The following PRIM2 variants were observed in gnomAD, a reference collection of about 807,000 sequenced individuals.
PRIM2 encodes DNA primase large subunit.
Under a neutral mutation model 67.3 loss-of-function variants are expected in PRIM2, and 39 were observed. The ratio of observed to expected loss-of-function variants is 0.58; its 90% CI spans 0.45 to 0.76. The LOEUF is 0.76. Ranked by LOEUF, PRIM2 falls within the 30% of genes least tolerant of loss-of-function variation. The pLI, the probability that PRIM2 is intolerant of heterozygous loss-of-function variation, is 0.00. For synonymous variants in PRIM2, 143 were observed against 198.7 expected (o/e 0.72, Z 2.36); for missense variants, 398 against 598.7 (o/e 0.66, Z 3.50).
chr6:57,343,376 G>C (rs1768559293), intron 5 of PRIM2, among the ~76,000 whole-genome samples: 1 of 151,952 alleles, frequency 6.6e-6, no homozygotes, highest in Non-Finnish European at 1.5e-5. Context: ...TACCCTCTTG[G>C]GTCTCAAGTT....
intron 7 of PRIM2, among the ~76,000 whole-genome samples, chr6:57,491,262 CAGTT>C (rs1358465265): frequency 6.6e-6 from 1 of 152,190 alleles, no homozygotes; most frequent in Non-Finnish European, 1.5e-5. Context: ...CCTATGTTCT[CAGTT>C]ACTCTGCATA....
chr6:57,224,412 G>T, the PRIM2 span, among the ~76,000 whole-genome samples: 1 of 152,182 alleles, frequency 6.6e-6, no homozygotes, highest in Non-Finnish European at 1.5e-5. Context: ...CAGTTGGGGG[G>T]TGGGAAGTGG....
At chr6:57,365,949 CAA>C (rs5876544) in intron 5 of PRIM2, among the ~76,000 whole-genome samples, 1 of 62,646 alleles carries the variant, frequency 1.6e-5, no homozygotes, top group Non-Finnish European at 3.0e-5. Context: ...GACCATATCT[CAA>C]AAAAAAAAAA....
At chr6:57,481,297 T>C (rs1773622226) in intron 7 of PRIM2, among the ~76,000 whole-genome samples, 1 of 152,108 alleles carries the variant, frequency 6.6e-6, no homozygotes, top group Non-Finnish European at 1.5e-5. Context: ...ACCACTGATG[T>C]GTTTTCCATA....
At chr6:57,586,877 G>T (rs1389426568) in intron 10 of PRIM2, 1 of 152,228 alleles carries the variant, frequency 6.6e-6, no homozygotes, top group Admixed American at 6.5e-5. Context: ...AATCTCAGAT[G>T]AGGAAAAGTC....
At chr6:57,328,920 T>C (rs1767962200) in intron 5 of PRIM2, among the ~76,000 whole-genome samples, 1 of 152,222 alleles carries the variant, frequency 6.6e-6, no homozygotes, top group Non-Finnish European at 1.5e-5. Context: ...GAATATCTTT[T>C]CATATGCTTA....
At chr6:57,477,693 ATTCT>A (rs1773508607) in intron 7 of PRIM2, among the ~76,000 whole-genome samples, 1 of 152,196 alleles carries the variant, frequency 6.6e-6, no homozygotes, top group African/African-American at 2.4e-5. Flanking sequence ...AAGACTATAG[ATTCT>A]TTATTTAAGG....
chr6:57,432,320 A>G lies in PRIM2; in HGVS notation c.693+50152A>G, dbSNP rs559624956. Among the ~76,000 whole-genome samples, 55 of 152,310 alleles carry G rather than the reference A, an allele frequency of 3.6e-4. No homozygotes were observed. The South Asian group carries it at 4.8e-3, about 13-fold the overall frequency. On this transcript the variant is annotated intron_variant, in intron 7 of 13. Coordinates refer to ENST00000615550, the MANE Select transcript of PRIM2 (RefSeq NM_000947.5). ...GAGGAAATTTCAAAACAGGATATGT[A>G]TGTGGAAATACTAAGAATTGTATTC...
At chr6:57,346,097 C>T (rs764233669) in intron 5 of PRIM2, among the ~76,000 whole-genome samples, 213 of 152,228 alleles carry the variant, frequency 1.4e-3, no homozygotes, top group Non-Finnish European at 2.2e-3. Flanking sequence ...TCAGCAGGGT[C>T]TTTAGGACCT....
intron 8 of PRIM2, among the ~76,000 whole-genome samples, chr6:57,520,377 C>T (rs1774585755): frequency 6.6e-6 from 1 of 152,164 alleles, no homozygotes; most frequent in South Asian, 2.1e-4. Flanking sequence ...CTCACTTTTT[C>T]ATGACTAACC....
intron 8 of PRIM2, among the ~76,000 whole-genome samples, chr6:57,514,714 A>G (rs2127461992): frequency 6.6e-6 from 1 of 152,178 alleles, no homozygotes; most frequent in South Asian, 2.1e-4. Flanking sequence ...GTGAATAGTC[A>G]GCATTTTGTT....
intron 7 of PRIM2, among the ~76,000 whole-genome samples, chr6:57,485,335 G>A (rs1429861365): frequency 6.6e-6 from 1 of 152,158 alleles, no homozygotes; most frequent in East Asian, 1.9e-4. Flanking sequence ...CTTAGATCCT[G>A]TAAGCTGCTG....
At chr6:57,501,307 T>C (rs1370754073) in intron 7 of PRIM2, among the ~76,000 whole-genome samples, 52 of 152,164 alleles carry the variant, frequency 3.4e-4, no homozygotes, top group Non-Finnish European at 1.8e-4. Context: ...AGTTTTTTTT[T>C]CTTTTTTTGG....
chr6:57,306,690 C>G, the PRIM2 span, among the ~76,000 whole-genome samples: 2 of 152,136 alleles, frequency 1.3e-5, no homozygotes, highest in Non-Finnish European at 1.5e-5. Flanking sequence ...AATATTAGAT[C>G]TGTCTTGGGT....
chr6:57,635,606 A>AT (rs1777105102), intron 13 of PRIM2, among the ~76,000 whole-genome samples: 1 of 152,204 alleles, frequency 6.6e-6, no homozygotes, highest in Non-Finnish European at 1.5e-5. Flanking sequence ...ATGGCTGAGC[A>AT]TAATTTTTCC....
intron 7 of PRIM2, among the ~76,000 whole-genome samples, chr6:57,505,865 C>T (rs1474215423): frequency 6.6e-6 from 1 of 152,020 alleles, no homozygotes; most frequent in Non-Finnish European, 1.5e-5. Context: ...ACTGAAAAAG[C>T]CCACTCTGTC....
intron 12 of PRIM2, among the ~76,000 whole-genome samples, chr6:57,612,352 G>A (rs1319917230): frequency 1.2e-4 from 18 of 152,216 alleles, no homozygotes; most frequent in Non-Finnish European, 2.4e-4. Flanking sequence ...GTTCTTCAGT[G>A]TGTGATTGGA....
At chr6:57,571,542 T>C (rs1775862166) in intron 10 of PRIM2, among the ~76,000 whole-genome samples, 1 of 151,998 alleles carries the variant, frequency 6.6e-6, no homozygotes, top group East Asian at 1.9e-4. Context: ...CCCAGCTACT[T>C]GGGAGGCTGA....
intron 7 of PRIM2, among the ~76,000 whole-genome samples, chr6:57,496,331 G>C (rs1774003661): frequency 6.6e-6 from 1 of 152,162 alleles, no homozygotes; most frequent in South Asian, 2.1e-4. Context: ...AGTGTAATGG[G>C]CAGGTTATAT....
Sources: allele counts gnomAD v4.1 joint callset (sites outside exome capture counted in the v4.1 genomes callset), GRCh38; gene constraint gnomAD v4.1.1; transcripts MANE v1.5; gene names NCBI Gene and HGNC (gene_info 2026-07-23, HGNC 2026-07-21).